MYOM2: variants seen among roughly 807,000 people sequenced by gnomAD.
MYOM2 encodes the protein myomesin-2.
Under a neutral mutation model 187.6 loss-of-function variants are expected in MYOM2, and 254 were observed. That is an observed-to-expected ratio of 1.35 (90% CI 1.22 to 1.50). The LOEUF (loss-of-function observed/expected upper bound fraction) is 1.50. Ranked by LOEUF, MYOM2 falls within the 40% of genes most tolerant of loss-of-function variation. The pLI, the probability that MYOM2 is intolerant of heterozygous loss-of-function variation, is 0.00. For missense variants in MYOM2, 2,796 were observed against 1,924.0 expected (o/e 1.45, Z -8.48); for synonymous variants, 981 against 753.8 (o/e 1.30, Z -4.94).
At position 2,106,535 on chromosome 8, in the gene MYOM2, C is replaced by A. The variant is rs528082365; in HGVS notation, c.2936C>A (p.Thr979Asn). 137 of 1,612,486 alleles carry A rather than the reference C, an allele frequency of 8.5e-5. No individual in the cohort carries two copies. Among genetic ancestry groups the A allele is most frequent in the Admixed American group, 4.0e-4 (24 of 59,962 alleles). The change falls in exon 23 of 37, where the codon ACT becomes AAT. Residue 979 changes from threonine (T) to asparagine (N), a missense_variant. Physicochemically the swap from Thr to Asn is moderately conservative, Grantham distance 65. Coordinates refer to ENST00000262113, the MANE Select transcript of MYOM2 (RefSeq NM_003970.4). ...LKNPDKEDLGTYSVSVSDTDG... is the reference protein window; with the variant it reads ...LKNPDKEDLGNYSVSVSDTDG... Reference sequence around the variant, plus strand: ...AATCCGGATAAGGAGGATTTAGGGACTTACTCCGTGTCTGTAAGTGATACA... The same window carrying A: ...AATCCGGATAAGGAGGATTTAGGGAATTACTCCGTGTCTGTAAGTGATACA...
chr8:2,050,916 T>C, intron 2 of MYOM2, 43 bp downstream of exon 2: 1 of 1,465,534 alleles, frequency 6.8e-7, no homozygotes. Flanking sequence ...GCTTTGATTA[T>C]GGGGGTCTGA....
chr8:2,101,174 C>A (rs770130486), intron 20 of MYOM2, 120 bp downstream of exon 20: 1 of 966,328 alleles, frequency 1.0e-6, no homozygotes, highest in Non-Finnish European at 1.5e-6. Context: ...GGAGAAGCCC[C>A]GTCTCTACTA....
chr8:2,143,360 C>G, intron 35 of MYOM2, 41 bp from the exon 36 acceptor site: 1 of 1,613,532 alleles, frequency 6.2e-7, no homozygotes, highest in Non-Finnish European at 8.5e-7. Context: ...GTGGGAACGT[C>G]CCGCAGATGT....
At chr8:2,056,097 G>A (rs1372569460) in intron 3 of MYOM2, among the ~76,000 whole-genome samples, 2 of 152,204 alleles carry the variant, frequency 1.3e-5, no homozygotes, top group African/African-American at 2.4e-5. Flanking sequence ...ACAGAGGTGA[G>A]AAGTAGCCAA....
At chr8:2,132,988 G>A (rs34777346) in intron 32 of MYOM2, among the ~76,000 whole-genome samples, 3 of 152,024 alleles carry the variant, frequency 2.0e-5, no homozygotes, top group East Asian at 1.9e-4. Flanking sequence ...GTGACGGGAC[G>A]TTCCCTTTGT....
intron 14 of MYOM2, among the ~76,000 whole-genome samples, chr8:2,087,131 C>G (rs968536323): frequency 2.6e-5 from 4 of 152,128 alleles, no homozygotes; most frequent in African/African-American, 9.7e-5. Context: ...GTGACGACCC[C>G]CTGTTGGGTT....
chr8:2,061,997 G>A (rs1013588634), intron 6 of MYOM2, among the ~76,000 whole-genome samples: 12 of 151,822 alleles, frequency 7.9e-5, no homozygotes, highest in African/African-American at 1.7e-4. Flanking sequence ...GCTGTGGCCC[G>A]TTGTGGTGTG....
At chr8:2,126,665 C>A (rs1196304908) in intron 31 of MYOM2, among the ~76,000 whole-genome samples, 2 of 146,482 alleles carry the variant, frequency 1.4e-5, no homozygotes, top group Non-Finnish European at 3.0e-5. Context: ...CCGGGAGAGG[C>A]TGATGGAGGC....
intron 32 of MYOM2, among the ~76,000 whole-genome samples, chr8:2,129,846 C>T (rs1013608123): frequency 6.6e-6 from 1 of 152,132 alleles, no homozygotes; most frequent in African/African-American, 2.4e-5. Flanking sequence ...TCTGAAACAA[C>T]CAGGCAAACT....
chr8:2,112,507 G>T (rs992888825), intron 25 of MYOM2, among the ~76,000 whole-genome samples: 7 of 152,114 alleles, frequency 4.6e-5, no homozygotes, highest in African/African-American at 1.7e-4. Context: ...GTGGAGGGGT[G>T]GGCTCAACGG....
intron 3 of MYOM2, among the ~76,000 whole-genome samples, chr8:2,054,513 C>T (rs993500778): frequency 1.3e-5 from 2 of 152,182 alleles, no homozygotes; most frequent in African/African-American, 4.8e-5. Flanking sequence ...GTCAACTGAT[C>T]ATCAGCCGGC....
chr8:2,124,386 T>C (rs1797563368), intron 31 of MYOM2, among the ~76,000 whole-genome samples, 169 bp downstream of exon 31: 1 of 152,202 alleles, frequency 6.6e-6, no homozygotes, highest in Admixed American at 6.5e-5. Flanking sequence ...TGAAGCTTTT[T>C]AAAGGACTTC....
rs1362738782 is a variant in MYOM2, at chr8:2,078,919, T to A, written c.1448T>A (p.Leu483His). 1 of 1,613,688 alleles carries A rather than the reference T, an allele frequency of 6.2e-7. No homozygotes were observed. The highest frequency in any genetic ancestry group is 1.3e-5 in the African/African-American group (1 of 74,896). ...DAVAALDPLDLRRLQAVHLEG... is the reference protein window; with the variant it reads ...DAVAALDPLDHRRLQAVHLEG... ...GTGGCTGCACTTGACCCCTTGGACCTCAGAAGGTTACAAGGTAAGCTGCTC... is the reference window on the plus strand; with the variant it reads ...GTGGCTGCACTTGACCCCTTGGACCACAGAAGGTTACAAGGTAAGCTGCTC... The change falls in exon 12 of 37, where the codon CTC becomes CAC. Residue 483 changes from leucine (L) to histidine (H), a missense_variant. By Grantham distance (99) the Leu-to-His change is moderately conservative (BLOSUM62 -3). Transcript: ENST00000262113.
chr8:2,069,655 C>T (rs1035418948), intron 8 of MYOM2, among the ~76,000 whole-genome samples, 158 bp downstream of exon 8: 1 of 151,856 alleles, frequency 6.6e-6, no homozygotes, highest in Non-Finnish European at 1.5e-5. Context: ...CATCTCGGCT[C>T]ACCATAAGCT....
rs747087458 is a variant in MYOM2 at position 2,096,273 on chromosome 8, A to G, written c.2152A>G (p.Thr718Ala). The G allele has an allele frequency of 6.2e-7, 1 of 1,614,100 alleles. No individual in the cohort carries two copies. Among genetic ancestry groups the G allele is most frequent in the Non-Finnish European group, 8.5e-7 (1 of 1,180,034 alleles). Residue 718 changes from threonine to alanine, a missense_variant, in exon 18 of 37, where the codon ACG becomes GCG. Thr to Ala is a moderately conservative substitution (Grantham distance 58). Transcript: ENST00000262113. ...LTVPSHPYGI[T>A]LLNCDGHSMT... Reference sequence around the variant, plus strand: ...CGTCCCGTCCCATCCTTATGGGATTACGCTCCTCAACTGTGACGGCCACTC... The same window carrying G: ...CGTCCCGTCCCATCCTTATGGGATTGCGCTCCTCAACTGTGACGGCCACTC...
rs756646545 is a variant in MYOM2 at position 2,129,183 on chromosome 8, T to A, written c.3751T>A (p.Cys1251Ser). ...CACCCCAGAAGGAATACGACTTCAG[T>A]GTTTCATGAAGTATTTTACAGACGA... is the stretch of plus-strand genomic sequence containing the variant. ...LCTPEGIRLQ[C>S]FMKYFTDEMK... The change falls in exon 32 of 37, where the codon TGT becomes AGT. Residue 1251 changes from cysteine to serine, a missense_variant. Cys to Ser is a moderately radical substitution (Grantham distance 112, BLOSUM62 -1). Transcript: ENST00000262113. 1 of 1,612,328 alleles carries A rather than the reference T, an allele frequency of 6.2e-7. No individual in the cohort carries two copies. The highest frequency in any genetic ancestry group is 2.2e-5 in the East Asian group (1 of 44,832).
At chr8:2,056,453 C>A (rs143038390) in intron 3 of MYOM2, among the ~76,000 whole-genome samples, 48 of 152,036 alleles carry the variant, frequency 3.2e-4, no homozygotes, top group African/African-American at 1.1e-3. Flanking sequence ...CAGGCCAGGC[C>A]TGGCCGTGTT....
intron 31 of MYOM2, 72 bp downstream of exon 31, chr8:2,124,289 C>G: frequency 6.8e-7 from 1 of 1,463,414 alleles, no homozygotes; most frequent in Non-Finnish European, 9.5e-7. Flanking sequence ...CGGGAAGTCA[C>G]TGCTGCAAAA....
rs1389633750 is a variant in MYOM2, at chr8:2,055,114, GTACCTGGATACTGGGGT to G, written c.264-2233_264-2217del. On this transcript the variant is annotated intron_variant, in intron 3 of 36. Coordinates refer to ENST00000262113, the MANE Select transcript of MYOM2 (RefSeq NM_003970.4). ...AGTACCTGGATACTGGGGTAACCAA[GTACCTGGATACTGGGGT>G]AACCAAGTACCTGGATACTGGGGGA... Among the ~76,000 whole-genome samples the G allele has an allele frequency of 4.7e-4, 12 of 25,528 alleles. 1 individual carries two copies. The highest frequency in any genetic ancestry group is 5.6e-3 in the South Asian group (2 of 360). The allele number at this position is 25,528 out of a possible 152,430, so 16.7% of individuals were successfully genotyped here. A position where few individuals can be genotyped will look rare whatever the true frequency, so the allele number is the denominator to read the frequency against.
Sources: allele counts gnomAD v4.1 joint callset (sites outside exome capture counted in the v4.1 genomes callset), GRCh38; gene constraint gnomAD v4.1.1; transcripts MANE v1.5; gene names NCBI Gene and HGNC (gene_info 2026-07-23, HGNC 2026-07-21).